GPR82: variants seen among roughly 807,000 people sequenced by gnomAD.
GPR82 encodes G protein-coupled receptor 82, also known as probable G protein-coupled receptor 82.
A neutral mutation model predicts 12.9 loss-of-function variants in GPR82; 6 were observed. The ratio of observed to expected loss-of-function variants is 0.46; its 90% CI spans 0.25 to 0.92. GPR82 has a LOEUF of 0.92. Ranked by LOEUF, GPR82 falls within the 40% of genes least tolerant of loss-of-function variation. GPR82 has a pLI of 0.16. For missense variants in GPR82, 241 were observed against 245.5 expected (o/e 0.98, Z 0.12); for synonymous variants, 90 against 87.6 (o/e 1.03, Z -0.15).
At position 41,727,345 on chromosome X, in the gene GPR82, C is replaced by A; in HGVS notation, c.319C>A (p.Leu107Ile). ...LSMHASMFVS[L>I]LILSWIAISR... ...CATGCATGCAAGTATGTTTGTCAGT[C>A]TCTTAATTTTAAGTTGGATTGCCAT... Residue 107 changes from leucine to isoleucine, a missense_variant, in exon 3 of 3, where the codon CTC (leucine) becomes ATC (isoleucine). Transcript: ENST00000302548. The A allele has an allele frequency of 8.3e-7, 1 of 1,207,797 alleles. No homozygotes were observed. The highest frequency in any genetic ancestry group is 1.1e-6 in the Non-Finnish European group (1 of 891,856).
chrX:41,727,459 A>G lies in GPR82; in HGVS notation c.433A>G (p.Lys145Glu), dbSNP rs1397661574. 1.7e-6 allele frequency: 2 copies of G among 1,209,223 alleles called. 1 individual carries two copies. The highest frequency in any genetic ancestry group is 3.5e-5 in the South Asian group (2 of 56,957). Reference protein sequence around the residue: ...EKIFYGHLLKKFRQPNFARKL... With the variant: ...EKIFYGHLLKEFRQPNFARKL... Reference sequence around the variant, plus strand: ...AATATTTTATGGCCATTTACTGAAAAAATTTCGCCAGCCCAACTTTGCTAG... The same window carrying G: ...AATATTTTATGGCCATTTACTGAAAGAATTTCGCCAGCCCAACTTTGCTAG... The change falls in exon 3 of 3, where the codon AAA becomes GAA. Residue 145 changes from lysine (K) to glutamate (E), a missense_variant. Transcript: ENST00000302548.
In GPR82 at chrX:41,729,037, A is replaced by G. The variant is rs761628580; in HGVS notation, c.*1000A>G. ...TCACATTGTGCATATTTTCTTCTGT[A>G]TTCAATATAAATAATGTTATTAGTG... On this transcript the variant is annotated 3_prime_UTR_variant, in exon 3 of 3. Coordinates refer to ENST00000302548, the MANE Select transcript of GPR82 (RefSeq NM_080817.5). The G allele has an allele frequency of 8.1e-6, 1 of 123,525 alleles. No homozygotes were observed. Among genetic ancestry groups the G allele is most frequent in the Non-Finnish European group, 1.9e-5 (1 of 53,294 alleles). The allele number at this position is 123,525 out of a possible 1,213,427, so 10.2% of individuals were successfully genotyped here.
rs2068298303 is a variant in GPR82 at position 41,727,975 on chromosome X, A to C, written c.949A>C (p.Lys317Gln). Residue 317 changes from lysine to glutamine, a missense_variant, in exon 3 of 3, where the codon AAG becomes CAG. Transcript: ENST00000302548. The stretch of plus-strand genomic sequence containing the variant: ...ATTTCTTTTATTAGATAAAACATTC[A>C]AGAAGACACTATATAATCTCTTTAC... ...IIFLLLDKTF[K>Q]KTLYNLFTKS... The C allele has an allele frequency of 8.7e-7, 1 of 1,153,264 alleles. No homozygotes were observed. Among genetic ancestry groups the C allele is most frequent in the Non-Finnish European group, 1.2e-6 (1 of 846,404 alleles).
intron 1 of GPR82, 87 bp downstream of exon 1, chrX:41,724,376 A>T (rs1204940291): frequency 1.8e-5 from 2 of 112,876 alleles, no homozygotes; most frequent in African/African-American, 6.4e-5. Flanking sequence ...TTGAAAGCTG[A>T]TCATTAAGAA....
intron 1 of GPR82, among the ~76,000 whole-genome samples, chrX:41,725,569 T>C (rs1459982580): frequency 1.8e-5 from 2 of 111,761 alleles, no homozygotes; most frequent in African/African-American, 6.5e-5. Flanking sequence ...ATAGAGATCA[T>C]GGTTCTTATT....
rs769808811 is a variant in GPR82 at position 41,727,594 on chromosome X, C to G, written c.568C>G (p.Arg190Gly). The G allele has an allele frequency of 1.2e-5, 15 of 1,203,403 alleles. No homozygotes were observed. The highest frequency in any genetic ancestry group is 1.6e-5 in the Non-Finnish European group (14 of 887,986). Residue 190 changes from arginine (R) to glycine (G), a missense_variant, in exon 3 of 3, where the codon CGG becomes GGG. Transcript: ENST00000302548. ...AGGAGAAGAGAGCCTATGCTACAAT[C>G]GGCAGATGGAACTAGGAGCCATGAT... Reference protein sequence around the residue: ...TEGEESLCYNRQMELGAMISQ... With the variant: ...TEGEESLCYNGQMELGAMISQ...
At position 41,727,337 on chromosome X, in the gene GPR82, T is replaced by C. The variant is rs976675318; in HGVS notation, c.311T>C (p.Phe104Ser). Residue 104 changes from phenylalanine (F) to serine (S), a missense_variant, in exon 3 of 3, where the codon TTT becomes TCT. Coordinates refer to ENST00000302548, the MANE Select transcript of GPR82 (RefSeq NM_080817.5). ...LGTLSMHASM[F>S]VSLLILSWIA... Reference sequence around the variant, plus strand: ...ACTCTATCCATGCATGCAAGTATGTTTGTCAGTCTCTTAATTTTAAGTTGG... The same window carrying C: ...ACTCTATCCATGCATGCAAGTATGTCTGTCAGTCTCTTAATTTTAAGTTGG... 48 of 1,206,150 alleles carry C rather than the reference T, an allele frequency of 4.0e-5. No homozygotes were observed. The highest frequency in any genetic ancestry group is 5.3e-5 in the Non-Finnish European group (47 of 891,508).
chrX:41,727,571 G>A lies in GPR82; in HGVS notation c.545G>A (p.Gly182Glu), dbSNP rs1220016554. 2.5e-6 allele frequency: 3 copies of A among 1,204,261 alleles called. No individual in the cohort carries two copies. In the African/African-American group the frequency reaches 5.3e-5, roughly 21 times the overall value. The change falls in exon 3 of 3, where the codon GGA becomes GAA. Residue 182 changes from glycine to glutamate, a missense_variant. Transcript: ENST00000302548. The part of the protein sequence containing the change: ...VYYSVIEATE[G>E]EESLCYNRQM... ...TACTCAGTCATAGAGGCTACAGAAG[G>A]AGAAGAGAGCCTATGCTACAATCGG...
Position 41,727,823 on chromosome X carries a change from G to C in GPR82, c.797G>C (p.Ser266Thr). The C allele has an allele frequency of 8.4e-7, 1 of 1,191,914 alleles. No homozygotes were observed. Among genetic ancestry groups the C allele is most frequent in the Non-Finnish European group, 1.1e-6 (1 of 879,271 alleles). ...ILLIVCFLPYSIFKPIFYVLH... is the reference protein window; with the variant it reads ...ILLIVCFLPYTIFKPIFYVLH... ...CTAATAGTTTGCTTCCTTCCTTATAGTATTTTTAAACCCATTTTTTATGTT... is the reference window on the plus strand; with the variant it reads ...CTAATAGTTTGCTTCCTTCCTTATACTATTTTTAAACCCATTTTTTATGTT... The change falls in exon 3 of 3, where the codon AGT becomes ACT. Residue 266 changes from serine to threonine, a missense_variant. Transcript: ENST00000302548.
At position 41,727,169 on chromosome X, in the gene GPR82, C is replaced by T; in HGVS notation, c.143C>T (p.Thr48Ile). 1 of 1,205,943 alleles carries T rather than the reference C, an allele frequency of 8.3e-7. No homozygotes were observed. The highest frequency in any genetic ancestry group is 3.0e-5 in the East Asian group (1 of 33,744). The change falls in exon 3 of 3, where the codon ACA becomes ATA. Residue 48 changes from threonine to isoleucine, a missense_variant. Thr to Ile is a moderately conservative substitution (Grantham distance 89, BLOSUM62 -1). Coordinates refer to ENST00000302548, the MANE Select transcript of GPR82 (RefSeq NM_080817.5). The part of the protein sequence containing the change: ...WIFLTKIGKK[T>I]STHIYLSHLV... ...TTTTTAACAAAAATAGGTAAAAAAA[C>T]ATCAACGCACATCTACCTGTCACAC... is the stretch of plus-strand genomic sequence containing the variant.
rs773532171 is a variant in GPR82 at position 41,725,872 on chromosome X, G to A, written c.-105-901G>A. ...ACAGTTTTTTTTTGTTTGTTTTTGA[G>A]ACAGGGTCTCTTTCTGTTACCCAGC... On this transcript the variant is annotated intron_variant, in intron 1 of 2. Coordinates refer to ENST00000302548, the MANE Select transcript of GPR82 (RefSeq NM_080817.5). Among the ~76,000 whole-genome samples, 752 of 111,689 alleles carry A rather than the reference G, an allele frequency of 6.7e-3. 1 individual carries two copies. Among genetic ancestry groups the A allele is most frequent in the Non-Finnish European group, 0.011 (588 of 53,041 alleles).
Position 41,728,084 on chromosome X carries a change from C to G in GPR82, c.*47C>G, listed in dbSNP as rs1383113577. On this transcript the variant is annotated 3_prime_UTR_variant, in exon 3 of 3. Transcript: ENST00000302548. Reference sequence around the variant, plus strand: ...AATATTAAGAAAAGCATTCATGTGACTTTATTAGGGACACTAAACTACATC... The same window carrying G: ...AATATTAAGAAAAGCATTCATGTGAGTTTATTAGGGACACTAAACTACATC... 1 of 688,953 alleles carries G rather than the reference C, an allele frequency of 1.5e-6. No individual in the cohort carries two copies. Among genetic ancestry groups the G allele is most frequent in the Non-Finnish European group, 2.1e-6 (1 of 477,851 alleles). The allele number at this position is 688,953 out of a possible 1,213,427, so 56.8% of individuals were successfully genotyped here.
rs2068285594 is a variant in GPR82, at chrX:41,727,585, T to C, written c.559T>C (p.Cys187Arg). 2 of 1,205,421 alleles carry C rather than the reference T, an allele frequency of 1.7e-6. No individual in the cohort carries two copies. Among genetic ancestry groups the C allele is most frequent in the Non-Finnish European group, 2.2e-6 (2 of 889,612 alleles). The change falls in exon 3 of 3, where the codon TGC becomes CGC. Residue 187 changes from cysteine to arginine, a missense_variant. By Grantham distance (180) the Cys-to-Arg change is radical. Coordinates refer to ENST00000302548, the MANE Select transcript of GPR82 (RefSeq NM_080817.5). ...GGCTACAGAAGGAGAAGAGAGCCTA[T>C]GCTACAATCGGCAGATGGAACTAGG... is the stretch of plus-strand genomic sequence containing the variant. Reference protein sequence around the residue: ...IEATEGEESLCYNRQMELGAM... With the variant: ...IEATEGEESLRYNRQMELGAM...
chrX:41,727,142 T>C lies in GPR82; in HGVS notation c.116T>C (p.Ile39Thr). The C allele has an allele frequency of 8.3e-7, 1 of 1,203,253 alleles. No individual in the cohort carries two copies. The highest frequency in any genetic ancestry group is 1.7e-5 in the African/African-American group (1 of 57,685). The part of the protein sequence containing the change: ...GVFGNTLSQW[I>T]FLTKIGKKTS... ...TTTGGAAACACTCTCTCTCAATGGA[T>C]ATTTTTAACAAAAATAGGTAAAAAA... Residue 39 changes from isoleucine (I) to threonine (T), a missense_variant, in exon 3 of 3, where the codon ATA becomes ACA. Ile to Thr is a moderately conservative substitution (Grantham distance 89). Coordinates refer to ENST00000302548, the MANE Select transcript of GPR82 (RefSeq NM_080817.5).
chrX:41,725,717 T>C (rs1355962780), intron 1 of GPR82, among the ~76,000 whole-genome samples: 4 of 112,088 alleles, frequency 3.6e-5, no homozygotes, highest in Non-Finnish European at 7.5e-5. Flanking sequence ...GATTTAAATA[T>C]AAGACAGAAA....
At position 41,729,394 on chromosome X, in the gene GPR82, C is replaced by G. The variant is rs987816934; in HGVS notation, c.*1357C>G. Reference sequence around the variant, plus strand: ...TTTACATATATTATTTTAATCACCACAACTCTAAAGTATACTAATTTACTG... The same window carrying G: ...TTTACATATATTATTTTAATCACCAGAACTCTAAAGTATACTAATTTACTG... On this transcript the variant is annotated 3_prime_UTR_variant, in exon 3 of 3. Coordinates refer to ENST00000302548, the MANE Select transcript of GPR82 (RefSeq NM_080817.5). The G allele has an allele frequency of 8.2e-6, 1 of 121,985 alleles. No individual in the cohort carries two copies. The highest frequency in any genetic ancestry group is 3.3e-5 in the African/African-American group (1 of 30,348). The allele number at this position is 121,985 out of a possible 1,213,427, so 10.1% of individuals were successfully genotyped here.
At position 41,730,077 on chromosome X, in the gene GPR82, T is replaced by C. The variant is rs2068365001; in HGVS notation, c.*2040T>C. 1 of 121,111 alleles carries C rather than the reference T, an allele frequency of 8.3e-6. No individual in the cohort carries two copies. Among genetic ancestry groups the C allele is most frequent in the South Asian group, 3.9e-4 (1 of 2,596 alleles). 10.0% of individuals were successfully genotyped at this position (121,111 alleles called of 1,213,427 possible). A position where few individuals can be genotyped will look rare whatever the true frequency, so the allele number is the denominator to read the frequency against. On this transcript the variant is annotated 3_prime_UTR_variant, in exon 3 of 3. Transcript: ENST00000302548. ...TTCTACTTCCATGGTACTGATATTC[T>C]CTTCTCAGATAACCAAACAAAAACA...
chrX:41,727,756 T>C lies in GPR82; in HGVS notation c.730T>C (p.Tyr244His), dbSNP rs748342166. The C allele has an allele frequency of 8.3e-7, 1 of 1,208,708 alleles. No homozygotes were observed. The highest frequency in any genetic ancestry group is 2.2e-5 in the Admixed American group (1 of 46,034). ...GTCCATTATGGAGAAAGATTTGACT[T>C]ACAGTTCTGTGAAAAGACATCTTTT... ...CTSIMEKDLT[Y>H]SSVKRHLLVI... Residue 244 changes from tyrosine to histidine, a missense_variant, in exon 3 of 3, where the codon TAC becomes CAC. Tyr to His is a moderately conservative substitution (Grantham distance 83, BLOSUM62 2). Coordinates refer to ENST00000302548, the MANE Select transcript of GPR82 (RefSeq NM_080817.5).
chrX:41,727,934 GCA>G lies in GPR82; in HGVS notation c.911_912del (p.Thr304ArgfsTer10). ...ACCTGTCTTGCTTCGGCCAGAAGTA[GCA>G]CAGACCCCATTATATTTCTTTTATT... On this transcript the variant is annotated frameshift_variant, in exon 3 of 3. Transcript: ENST00000302548. LOFTEE classifies it high-confidence loss of function. 5 of 1,180,706 alleles carry G rather than the reference GCA, an allele frequency of 4.2e-6. No homozygotes were observed. Among genetic ancestry groups the G allele is most frequent in the Non-Finnish European group, 5.8e-6 (5 of 868,507 alleles).
Sources: allele counts gnomAD v4.1 joint callset (sites outside exome capture counted in the v4.1 genomes callset), GRCh38; gene constraint gnomAD v4.1.1; transcripts MANE v1.5; gene names NCBI Gene and HGNC (gene_info 2026-07-23, HGNC 2026-07-21).